Variants in DEFB131A observed in about 807,000 individuals in gnomAD.
The protein encoded by DEFB131A is defensin beta 131A, also known as beta-defensin 131A.
DEFB131A carries 5 observed loss-of-function variants against 2.4 expected under a neutral mutation model. The ratio of observed to expected loss-of-function variants is 2.12; its 90% CI spans 1.11 to 4.47. The LOEUF (loss-of-function observed/expected upper bound fraction) is 4.47. DEFB131A is among the 30% of genes most tolerant of loss of function. The pLI, the probability that DEFB131A is intolerant of heterozygous loss-of-function variation, is 0.00. For synonymous variants in DEFB131A, 34 were observed against 25.7 expected (o/e 1.32, Z -0.97); for missense variants, 120 against 79.9 (o/e 1.50, Z -1.91).
intron 1 of DEFB131A, among the ~76,000 whole-genome samples, chr4:9,446,513 T>C (rs1438863966): frequency 1.3e-5 from 2 of 152,142 alleles, no homozygotes; most frequent in Admixed American, 1.3e-4. Flanking sequence ...TAGCAGTTTA[T>C]AAAGTCTGTT....
At chr4:9,448,801 C>T (rs1431453647) in intron 1 of DEFB131A, among the ~76,000 whole-genome samples, 11 of 152,046 alleles carry the variant, frequency 7.2e-5, no homozygotes, top group African/African-American at 2.4e-4. Flanking sequence ...CCCCTTCTTG[C>T]CACATTTATT....
Position 9,444,495 on chromosome 4 carries a change from A to T in DEFB131A, c.-39A>T. On this transcript the variant is annotated 5_prime_UTR_variant, in exon 1 of 2. Coordinates refer to ENST00000334879, the MANE Select transcript of DEFB131A (RefSeq NM_001040448.3). ...TGTACACAGAAGTCCTCTTCATCTC[A>T]GCTACTGATTCTCTCTAACCTGCTT... 1 of 1,605,542 alleles carries T rather than the reference A, an allele frequency of 6.2e-7. No homozygotes were observed. The highest frequency in any genetic ancestry group is 2.2e-5 in the East Asian group (1 of 44,830).
intron 1 of DEFB131A, among the ~76,000 whole-genome samples, chr4:9,445,498 A>G (rs1410617107): frequency 6.6e-6 from 1 of 151,966 alleles, no homozygotes; most frequent in Non-Finnish European, 1.5e-5. Flanking sequence ...TAATAAAAAC[A>G]TATTAAACTG....
chr4:9,446,609 A>G (rs1199094460), intron 1 of DEFB131A, among the ~76,000 whole-genome samples: 2 of 151,820 alleles, frequency 1.3e-5, no homozygotes, highest in Non-Finnish European at 2.9e-5. Flanking sequence ...TCTGATTTTT[A>G]TTATTTCTTT....
chr4:9,449,633 A>T (rs1162224346), intron 1 of DEFB131A, among the ~76,000 whole-genome samples: 1 of 151,988 alleles, frequency 6.6e-6, no homozygotes, highest in Non-Finnish European at 1.5e-5. Flanking sequence ...GATGTTGGTC[A>T]TGGCAATTAT....
At chr4:9,449,142 CTG>C (rs1717584699) in intron 1 of DEFB131A, among the ~76,000 whole-genome samples, 1 of 150,794 alleles carries the variant, frequency 6.6e-6, no homozygotes, top group Admixed American at 6.6e-5. Context: ...AGATGAAAGA[CTG>C]GTACATTAAA....
Position 9,445,073 on chromosome 4 carries a change from C to T in DEFB131A, c.58+482C>T, listed in dbSNP as rs192185411. 3.8e-3 allele frequency among the ~76,000 whole-genome samples: 580 copies of T among 152,058 alleles called. 3 individuals carry two copies. Among genetic ancestry groups the T allele is most frequent in the African/African-American group, 0.013 (553 of 41,482 alleles). On this transcript the variant is annotated intron_variant, in intron 1 of 1. Transcript: ENST00000334879. ...CCAGCCTGGGCAACAGAGTGAGACC[C>T]TGTCTCAAAAAATAATAATAATAAA...
At chr4:9,446,757 G>A (rs1173095011) in intron 1 of DEFB131A, among the ~76,000 whole-genome samples, 1 of 152,130 alleles carries the variant, frequency 6.6e-6, no homozygotes, top group South Asian at 2.1e-4. Flanking sequence ...TGTCTTTGTT[G>A]TATTCCATAG....
rs778955441 is a variant in DEFB131A at position 9,450,425 on chromosome 4, G to C, written c.124G>C (p.Ala42Pro). The C allele has an allele frequency of 7.5e-6, 12 of 1,609,910 alleles. No individual in the cohort carries two copies. The highest frequency in any genetic ancestry group is 1.0e-5 in the Non-Finnish European group (12 of 1,178,514). ...EYYHCRLKCN[A>P]DEHAIRYCAD... is the part of the protein sequence containing the mutation. ...TTATCATTGCAGACTGAAGTGCAAT[G>C]CTGATGAACATGCAATTAGATACTG... is the stretch of plus-strand genomic sequence containing the variant. Residue 42 changes from alanine (A) to proline (P), a missense_variant, in exon 2 of 2, where the codon GCT (alanine) becomes CCT (proline). Ala to Pro is a conservative substitution (Grantham distance 27, BLOSUM62 -1). Coordinates refer to ENST00000334879, the MANE Select transcript of DEFB131A (RefSeq NM_001040448.3).
In DEFB131A at chr4:9,450,366, G is replaced by A. The variant is rs748138152; in HGVS notation, c.65G>A (p.Ser22Asn). 3.2e-6 allele frequency: 5 copies of A among 1,557,424 alleles called. No homozygotes were observed. The highest frequency in any genetic ancestry group is 4.3e-6 in the Non-Finnish European group (5 of 1,150,672). The change falls in exon 2 of 2, where the codon AGC becomes AAC. Residue 22 changes from serine to asparagine, a missense_variant. Physicochemically the swap from Ser to Asn is conservative, Grantham distance 46 (BLOSUM62 1). Coordinates refer to ENST00000334879, the MANE Select transcript of DEFB131A (RefSeq NM_001040448.3). Reference sequence around the variant, plus strand: ...TTGTCTTCTCTTTTTAAAGCCAGAAGCTTCATTTCTAATGATGAATGTCCT... The same window carrying A: ...TTGTCTTCTCTTTTTAAAGCCAGAAACTTCATTTCTAATGATGAATGTCCT... ...SLMFTVPPARSFISNDECPSE... is the reference protein window; with the variant it reads ...SLMFTVPPARNFISNDECPSE...
Position 9,450,617 on chromosome 4 carries a change from A to T in DEFB131A, c.*103A>T. On this transcript the variant is annotated 3_prime_UTR_variant, in exon 2 of 2. Transcript: ENST00000334879. The stretch of plus-strand genomic sequence containing the variant: ...GATAGATGAAAATTATTATAATTGC[A>T]TGTTTAGATGGTCAGGTGAAAATGA... The T allele has an allele frequency of 7.0e-7, 1 of 1,419,572 alleles. No homozygotes were observed. Among genetic ancestry groups the T allele is most frequent in the East Asian group, 2.5e-5 (1 of 40,074 alleles). 87.9% of individuals were successfully genotyped at this position (1,419,572 alleles called of 1,614,324 possible).
At chr4:9,448,534 G>T (rs1289689696) in intron 1 of DEFB131A, among the ~76,000 whole-genome samples, 1 of 152,084 alleles carries the variant, frequency 6.6e-6, no homozygotes, top group Non-Finnish European at 1.5e-5. Context: ...AGGTTAGCCA[G>T]GCTGGTCTCG....
intron 1 of DEFB131A, among the ~76,000 whole-genome samples, chr4:9,450,092 T>G (rs1204560452): frequency 6.6e-6 from 1 of 152,144 alleles, no homozygotes; most frequent in African/African-American, 2.4e-5. Context: ...GCTGGATAAT[T>G]CATTTTAGGT....
chr4:9,449,032 T>C (rs1231659894), intron 1 of DEFB131A, among the ~76,000 whole-genome samples: 1 of 151,866 alleles, frequency 6.6e-6, no homozygotes, highest in Non-Finnish European at 1.5e-5. Flanking sequence ...ATCAGTTGTG[T>C]TTCTATAGCA....
At chr4:9,448,816 A>G (rs1717572887) in intron 1 of DEFB131A, among the ~76,000 whole-genome samples, 1 of 151,428 alleles carries the variant, frequency 6.6e-6, no homozygotes, top group African/African-American at 2.5e-5. Context: ...TTTATTTAAC[A>G]TGATACTAAA....
intron 1 of DEFB131A, among the ~76,000 whole-genome samples, 169 bp from the exon 2 acceptor site, chr4:9,450,191 C>T (rs1032978147): frequency 6.6e-6 from 1 of 152,140 alleles, no homozygotes; most frequent in Admixed American, 6.6e-5. Context: ...AAGAAATCAT[C>T]GCTTGTCTTT....
intron 1 of DEFB131A, 130 bp downstream of exon 1, chr4:9,444,721 T>A: frequency 1.1e-6 from 1 of 872,538 alleles, no homozygotes; most frequent in South Asian, 1.8e-5. Context: ...GCTCAGAGGA[T>A]TGAAGAGTTG....
intron 1 of DEFB131A, among the ~76,000 whole-genome samples, chr4:9,447,951 A>T (rs1374688076): frequency 6.6e-6 from 1 of 152,134 alleles, no homozygotes; most frequent in Admixed American, 6.5e-5. Flanking sequence ...TAATAAGTGT[A>T]GGCCAATTAC....
At chr4:9,444,894 A>G (rs969266535) in intron 1 of DEFB131A, among the ~76,000 whole-genome samples, 2 of 131,324 alleles carry the variant, frequency 1.5e-5, no homozygotes, top group African/African-American at 5.4e-5. Context: ...CAACAGGGTG[A>G]AACCCCATCT....
Sources: allele counts gnomAD v4.1 joint callset (sites outside exome capture counted in the v4.1 genomes callset), GRCh38; gene constraint gnomAD v4.1.1; transcripts MANE v1.5; gene names NCBI Gene and HGNC (gene_info 2026-07-23, HGNC 2026-07-21).